Variants in CPHXL2 observed in about 807,000 individuals in gnomAD.
The protein encoded by CPHXL2 is cytoplasmic polyadenylated homeobox-like protein 2.
chr16:75,665,044 C>T, the CPHXL2 span, among the ~76,000 whole-genome samples: 4 of 152,186 alleles, frequency 2.6e-5, no homozygotes. Flanking sequence ...AAGAATTTGT[C>T]AGAGATTATA....
At chr16:75,668,776 A>T in the CPHXL2 span, among the ~76,000 whole-genome samples, 3 of 152,040 alleles carry the variant, frequency 2.0e-5, no homozygotes, top group Non-Finnish European at 2.9e-5. Flanking sequence ...TTAATTGTGC[A>T]GTGGTGGGAT....
chr16:75,665,806 A>G, the CPHXL2 span, among the ~76,000 whole-genome samples: 9 of 152,206 alleles, frequency 5.9e-5, no homozygotes, highest in Non-Finnish European at 1.2e-4. Flanking sequence ...AAGAGGTTGC[A>G]GTGAGCCAAG....
chr16:75,675,361 A>G, the CPHXL2 span, among the ~76,000 whole-genome samples: 2 of 151,878 alleles, frequency 1.3e-5, no homozygotes, highest in Middle Eastern at 3.5e-3. Context: ...ATATTATAAT[A>G]TTATATATAA....
the CPHXL2 span, chr16:75,660,655 A>C: frequency 2.5e-6 from 1 of 398,640 alleles, no homozygotes; most frequent in Non-Finnish European, 4.4e-6. Context: ...GAGCAAAGAC[A>C]ATGGTCTTTC....
At chr16:75,674,536 C>G in the CPHXL2 span, among the ~76,000 whole-genome samples, 11 of 152,098 alleles carry the variant, frequency 7.2e-5, no homozygotes, top group South Asian at 1.2e-3. Context: ...AGATACAATA[C>G]AAAGTAAAAA....
At chr16:75,670,374 T>C in the CPHXL2 span, among the ~76,000 whole-genome samples, 1 of 152,168 alleles carries the variant, frequency 6.6e-6, no homozygotes, top group African/African-American at 2.4e-5. Flanking sequence ...CAGAGGCCTC[T>C]GGGTGCCACT....
chr16:75,664,267 GTTCTT>G, the CPHXL2 span, among the ~76,000 whole-genome samples: 3 of 152,194 alleles, frequency 2.0e-5, no homozygotes, highest in African/African-American at 7.2e-5. Context: ...TCACAGGCAT[GTTCTT>G]AACCTTGACA....
At chr16:75,675,138 G>A in the CPHXL2 span, among the ~76,000 whole-genome samples, 2 of 149,330 alleles carry the variant, frequency 1.3e-5, no homozygotes, top group East Asian at 2.1e-4. Context: ...GCAGTGAGCC[G>A]AGATCGTGCC....
the CPHXL2 span, among the ~76,000 whole-genome samples, chr16:75,661,989 C>T: frequency 6.6e-6 from 1 of 152,202 alleles, no homozygotes; most frequent in East Asian, 1.9e-4. Flanking sequence ...GAAACACTGT[C>T]AGATCCCACA....
the CPHXL2 span, among the ~76,000 whole-genome samples, chr16:75,670,869 G>A: frequency 2.0e-5 from 3 of 151,996 alleles, no homozygotes; most frequent in Admixed American, 6.6e-5. Context: ...TCCTGACATC[G>A]CTTCTTCTTT....
At chr16:75,667,704 A>G in the CPHXL2 span, among the ~76,000 whole-genome samples, 106 of 152,352 alleles carry the variant, frequency 7.0e-4, no homozygotes, top group Middle Eastern at 3.4e-3. Flanking sequence ...TCAAATTTGT[A>G]TCTTCTACTA....
chr16:75,669,326 A>AAT, the CPHXL2 span: 3 of 400,208 alleles, frequency 7.5e-6, no homozygotes, highest in East Asian at 1.1e-4. Flanking sequence ...AAAAAAAAAA[A>AAT]AAAATCTAAG....
the CPHXL2 span, among the ~76,000 whole-genome samples, chr16:75,668,585 A>G: frequency 6.6e-6 from 1 of 152,288 alleles, no homozygotes; most frequent in South Asian, 2.1e-4. Context: ...TCTGGATACC[A>G]AGATCTGAGG....
At chr16:75,665,688 C>T in the CPHXL2 span, among the ~76,000 whole-genome samples, 1 of 152,160 alleles carries the variant, frequency 6.6e-6, no homozygotes, top group African/African-American at 2.4e-5. Flanking sequence ...CATGGCGAAA[C>T]CCCAATTCTA....
chr16:75,669,699 T>C, the CPHXL2 span: 1 of 394,102 alleles, frequency 2.5e-6, no homozygotes. Context: ...AATAATAAAA[T>C]TACACATGAA....
At chr16:75,672,732 C>T in the CPHXL2 span, among the ~76,000 whole-genome samples, 1 of 152,108 alleles carries the variant, frequency 6.6e-6, no homozygotes, top group African/African-American at 2.4e-5. Context: ...TCAAGCAATC[C>T]TCCTGCCTTG....
At chr16:75,674,372 C>CGAAAAA in the CPHXL2 span, among the ~76,000 whole-genome samples, 1 of 53,400 alleles carries the variant, frequency 1.9e-5, no homozygotes, top group Non-Finnish European at 3.7e-5. Context: ...GACTCCGTCT[C>CGAAAAA]AAAAAAAAAA....
chr16:75,673,225 A>G, the CPHXL2 span, among the ~76,000 whole-genome samples: 1 of 151,144 alleles, frequency 6.6e-6, no homozygotes. Context: ...ACTTGAGCTC[A>G]GGAGTTTGAG....
chr16:75,667,741 G>C, the CPHXL2 span, among the ~76,000 whole-genome samples: 1 of 152,162 alleles, frequency 6.6e-6, no homozygotes, highest in Non-Finnish European at 1.5e-5. Flanking sequence ...TTTCAGACTT[G>C]CATATTCAAA....
Sources: gnomAD v4.1 joint callset for allele counts (sites outside exome capture counted in the v4.1 genomes callset) on GRCh38, gnomAD v4.1.1 for gene constraint, MANE v1.5 for transcripts, NCBI Gene and HGNC (gene_info 2026-07-23, HGNC 2026-07-21) for gene names.